Variants in CLN6 observed in about 807,000 individuals in gnomAD.
The protein encoded by CLN6 is CLN6 transmembrane ER protein, also known as ceroid-lipofuscinosis neuronal protein 6.
A neutral mutation model predicts 33.3 loss-of-function variants in CLN6; 22 were observed. The observed-to-expected ratio is 0.66, with a 90% CI of 0.47 to 0.94. CLN6 has a LOEUF of 0.94. Among genes scored for constraint, CLN6 ranks in the 40% least tolerant of loss-of-function variants. The pLI is 0.00. For synonymous variants in CLN6, 201 were observed against 174.6 expected, an observed-to-expected ratio of 1.15 and a Z score of -1.19; for missense variants, 387 against 417.1, an observed-to-expected ratio of 0.93 and a Z score of 0.63.
At position 68,252,132 on chromosome 15, in the gene CLN6, G is replaced by A. The variant is rs184830217; in HGVS notation, c.179+4558C>T. 4.4e-3 allele frequency among the ~76,000 whole-genome samples: 668 copies of A among 152,008 alleles called. 2 individuals carry two copies. The highest frequency in any genetic ancestry group is 0.014 in the African/African-American group (560 of 41,450). ...GGGATGTACAGGCAGGCACCACCAC[G>A]CCCAGCTAATTTTGTATTTTTAGTA... On this transcript the variant is annotated intron_variant, in intron 1 of 6. Coordinates refer to the CLN6 transcript ENST00000538696.
At position 68,256,117 on chromosome 15, in the gene CLN6, A is replaced by AT. The variant is rs912192001; in HGVS notation, c.179+572dup. 6.6e-6 allele frequency among the ~76,000 whole-genome samples: 1 copy of AT among 151,246 alleles called. No individual in the cohort carries two copies. The highest frequency in any genetic ancestry group is 2.4e-5 in the African/African-American group (1 of 41,112). On this transcript the variant is annotated intron_variant, in intron 1 of 6. Transcript: ENST00000538696. The surrounding 1 kb of genome is among the most constrained non-coding windows in gnomAD (Gnocchi z 4.1). ...CCCCTCTTTTTATTTTATTATTATTATTTTTTTGAGACGGAGTCTTGCTCT... is the reference window on the plus strand; with the variant it reads ...CCCCTCTTTTTATTTTATTATTATTATTTTTTTTGAGACGGAGTCTTGCTCT...
At chr15:68,218,777 T>C in intron 1 of CLN6, 127 bp from the exon 2 acceptor site, 1 of 698,684 alleles carries the variant, frequency 1.4e-6, no homozygotes, top group South Asian at 1.5e-5. Flanking sequence ...TTGAGTTCTA[T>C]GGATAGGGTT....
Position 68,208,506 on chromosome 15 carries a change from A to G in CLN6, c.666-96T>C. 2 of 1,361,060 alleles carry G rather than the reference A, an allele frequency of 1.5e-6. No homozygotes were observed. The highest frequency in any genetic ancestry group is 2.1e-6 in the Non-Finnish European group (2 of 969,872). The allele number at this position is 1,361,060 out of a possible 1,614,324, so 84.3% of individuals were successfully genotyped here. On this transcript the variant is annotated intron_variant, in intron 6 of 6. Coordinates refer to ENST00000249806, the MANE Select transcript of CLN6 (RefSeq NM_017882.3). This position sits in a 1 kb window ranked among gnomAD's most constrained non-coding sequence, Gnocchi z 5.8. ...GCGAGAGCCAGGCTGCCCTCCAGGC[A>G]GGCAGAAGAGTCCTCTGGTGCCAGG...
chr15:68,220,094 C>T lies in CLN6; in HGVS notation c.84-1444G>A, dbSNP rs1278751860. On this transcript the variant is annotated intron_variant, in intron 1 of 6. Transcript: ENST00000249806. This position sits in a 1 kb window ranked among gnomAD's most constrained non-coding sequence, Gnocchi z 4.2. ...CAGTTCCAAGGATGATCCATACTGG[C>T]TGGTAGAGTACCCCAGGACAGGGAG... Among the ~76,000 whole-genome samples, 1 of 152,230 alleles carries T rather than the reference C, an allele frequency of 6.6e-6. No homozygotes were observed. The highest frequency in any genetic ancestry group is 1.5e-5 in the Non-Finnish European group (1 of 68,050).
At position 68,212,072 on chromosome 15, in the gene CLN6, C is replaced by G. The variant is rs1214516634; in HGVS notation, c.298-209G>C. 2.3e-5 allele frequency: 14 copies of G among 597,886 alleles called. No individual in the cohort carries two copies. The East Asian group carries it at 3.4e-4, about 14-fold the overall frequency. The allele number at this position is 597,886 out of a possible 1,614,324, so 37.0% of individuals were successfully genotyped here. A position where few individuals can be genotyped will look rare whatever the true frequency, so the allele number is the denominator to read the frequency against. ...CCGGAGGGAATGTGGAGCAGCACCC[C>G]CCGCTGACTTTACCCAGGGAGCAAA... On this transcript the variant is annotated intron_variant, in intron 3 of 6. Transcript: ENST00000249806.
rs1466229903 is a variant in CLN6, at chr15:68,211,231, C to A, written c.542+32G>T. 1 of 1,608,454 alleles carries A rather than the reference C, an allele frequency of 6.2e-7. No individual in the cohort carries two copies. The highest frequency in any genetic ancestry group is 8.5e-7 in the Non-Finnish European group (1 of 1,175,094). On this transcript the variant is annotated intron_variant, in intron 5 of 6. Coordinates refer to ENST00000249806, the MANE Select transcript of CLN6 (RefSeq NM_017882.3). This position sits in a 1 kb window ranked among gnomAD's most constrained non-coding sequence, Gnocchi z 5.9. ...GACAGGGCTAGCCGGTAGTTGGGGC[C>A]CCTGGGATAGACAGATGGGCCCATC...
chr15:68,233,132 G>C (rs889317583), upstream of CLN6, among the ~76,000 whole-genome samples: 11 of 152,144 alleles, frequency 7.2e-5, no homozygotes, highest in Admixed American at 2.0e-4. This position sits in a 1 kb window ranked among gnomAD's most constrained non-coding sequence, Gnocchi z 4.3. Flanking sequence ...GCACTCTCTT[G>C]TGTGCCCTCC....
In CLN6 at chr15:68,211,819, G is replaced by A. The variant is rs765719755; in HGVS notation, c.342C>T (p.Tyr114=). The change falls in exon 4 of 7, where the codon TAC becomes TAT. Residue 114 remains tyrosine (Y), a synonymous_variant. Transcript: ENST00000249806. This position sits in a 1 kb window ranked among gnomAD's most constrained non-coding sequence, Gnocchi z 5.9. ...SPRTLPRSIT[Y]VSIIIFIMGA... ...CCATGATGAAGATGATGATGCTCAC[G>A]TACGTGATGGAGCGTGGCAGGGTGC... 1.9e-6 allele frequency: 3 copies of A among 1,613,960 alleles called. No individual in the cohort carries two copies. Among genetic ancestry groups the A allele is most frequent in the Non-Finnish European group, 2.5e-6 (3 of 1,180,016 alleles).
intron 1 of CLN6, among the ~76,000 whole-genome samples, chr15:68,224,440 G>A (rs2093246342): frequency 6.6e-6 from 1 of 151,594 alleles, no homozygotes; most frequent in Admixed American, 6.6e-5. Flanking sequence ...TGACCAACAT[G>A]ACGAAACTCC....
upstream of CLN6, among the ~76,000 whole-genome samples, chr15:68,233,308 T>A (rs8042294): frequency 4.3e-4 from 14 of 32,740 alleles, no homozygotes; most frequent in African/African-American, 6.8e-4. This position sits in a 1 kb window ranked among gnomAD's most constrained non-coding sequence, Gnocchi z 4.3. Context: ...TACGGGGGGG[T>A]GGGGGGGGTG....
chr15:68,211,198 G>A lies in CLN6; in HGVS notation c.542+65C>T. The A allele has an allele frequency of 7.2e-7, 1 of 1,392,462 alleles. No individual in the cohort carries two copies. The highest frequency in any genetic ancestry group is 1.0e-6 in the Non-Finnish European group (1 of 977,802). The allele number at this position is 1,392,462 out of a possible 1,614,324, so 86.3% of individuals were successfully genotyped here. A position where few individuals can be genotyped will look rare whatever the true frequency, so the allele number is the denominator to read the frequency against. On this transcript the variant is annotated intron_variant, in intron 5 of 6. Transcript: ENST00000249806. This position sits in a 1 kb window ranked among gnomAD's most constrained non-coding sequence, Gnocchi z 5.9. ...AGACAGCCTTGCTCAGTGTGTCCCTGAGCCAGTGACAGGGCTAGCCGGTAG... is the reference window on the plus strand; with the variant it reads ...AGACAGCCTTGCTCAGTGTGTCCCTAAGCCAGTGACAGGGCTAGCCGGTAG...
chr15:68,212,526 C>G (rs1333514352), intron 3 of CLN6: 2 of 152,932 alleles, frequency 1.3e-5, no homozygotes, highest in Non-Finnish European at 2.9e-5. Flanking sequence ...AATGCATATG[C>G]AAGTCTAAAC....
In CLN6 at chr15:68,208,127, T is replaced by G; in HGVS notation, c.*13A>C. ...TCCCACCCAGCAGAGCGCCAGAGCC[T>G]GGTGCCAGGGACTCAGTGCCGACTG... On this transcript the variant is annotated 3_prime_UTR_variant, in exon 7 of 7. Transcript: ENST00000249806. The surrounding 1 kb of genome is among the most constrained non-coding windows in gnomAD (Gnocchi z 5.8). 9.4e-7 allele frequency: 1 copy of G among 1,065,396 alleles called. No homozygotes were observed. The highest frequency in any genetic ancestry group is 5.3e-5 in the East Asian group (1 of 18,946). 66.0% of individuals were successfully genotyped at this position (1,065,396 alleles called of 1,614,324 possible).
Position 68,254,246 on chromosome 15 carries a change from G to A in CLN6, c.179+2444C>T, listed in dbSNP as rs1420143593. ...GAAATTCAAGCCAGTATTATCTCTG[G>A]TGAGGAGAGAGAGCACGATACGAAA... On this transcript the variant is annotated intron_variant, in intron 1 of 6. Coordinates refer to the CLN6 transcript ENST00000538696. Among the ~76,000 whole-genome samples, 9 of 152,288 alleles carry A rather than the reference G, an allele frequency of 5.9e-5. No homozygotes were observed. In the East Asian group the frequency reaches 1.5e-3, roughly 26 times the overall value.
intron 1 of CLN6, among the ~76,000 whole-genome samples, chr15:68,221,530 T>C (rs2093235967): frequency 6.6e-6 from 1 of 151,672 alleles, no homozygotes; most frequent in East Asian, 2.0e-4. Flanking sequence ...GCTCACTCAA[T>C]GCTCAATGTT....
intron 1 of CLN6, among the ~76,000 whole-genome samples, chr15:68,237,560 C>T (rs187443635): frequency 6.6e-5 from 10 of 152,184 alleles, no homozygotes; most frequent in African/African-American, 2.4e-4. Flanking sequence ...TTAAATAAAG[C>T]TGAGTAGTGA....
At chr15:68,251,967 C>CTTTTTTTTTTTTTTTTTTTTTTTTTT (rs35907860) in intron 1 of CLN6, among the ~76,000 whole-genome samples, 2 of 71,868 alleles carry the variant, frequency 2.8e-5, no homozygotes, top group Non-Finnish European at 2.6e-5. Context: ...ATGTGTGAAT[C>CTTTTTTTTTTTTTTTTTTTTTTTTTT]TTTTTTTTTT....
Position 68,247,766 on chromosome 15 carries a change from T to C in CLN6, c.179+8924A>G, listed in dbSNP as rs1171687581. Reference sequence around the variant, plus strand: ...AACCTGGGTCAGGCATGGTGGCTCATGCCTGTAATCTGAGCACTTTGGGAG... The same window carrying C: ...AACCTGGGTCAGGCATGGTGGCTCACGCCTGTAATCTGAGCACTTTGGGAG... On this transcript the variant is annotated intron_variant, in intron 1 of 6. Coordinates refer to the CLN6 transcript ENST00000538696. The surrounding 1 kb of genome is among the most constrained non-coding windows in gnomAD (Gnocchi z 4.2). Among the ~76,000 whole-genome samples, 1 of 152,132 alleles carries C rather than the reference T, an allele frequency of 6.6e-6. No individual in the cohort carries two copies. Among genetic ancestry groups the C allele is most frequent in the East Asian group, 1.9e-4 (1 of 5,194 alleles).
At chr15:68,224,633 A>AG (rs2093246920) in intron 1 of CLN6, among the ~76,000 whole-genome samples, 1 of 151,498 alleles carries the variant, frequency 6.6e-6, no homozygotes, top group South Asian at 2.1e-4. Context: ...AAAAAAAAAA[A>AG]AAAAAAGATT....
Sources: gnomAD v4.1 joint callset for allele counts (sites outside exome capture counted in the v4.1 genomes callset) on GRCh38, gnomAD v4.1.1 for gene constraint, Gnocchi (gnomAD v3.1) non-coding constraint, MANE v1.5 for transcripts, NCBI Gene and HGNC (gene_info 2026-07-23, HGNC 2026-07-21) for gene names.